CEP63: variants seen among roughly 807,000 people sequenced by gnomAD.
CEP63 encodes centrosomal protein 63.
CEP63 carries 84 observed loss-of-function variants against 89.1 expected under a neutral mutation model. The observed-to-expected ratio is 0.94, with a 90% confidence interval of 0.79 to 1.13. CEP63 has a LOEUF of 1.13. CEP63 is among the 50% of genes most tolerant of loss of function. The pLI, the probability that CEP63 is intolerant of heterozygous loss-of-function variation, is 0.00. For synonymous variants in CEP63, 267 were observed against 272.5 expected (o/e 0.98, Z 0.20); for missense variants, 838 against 813.3 (o/e 1.03, Z -0.37).
chr3:134,749,186 G>A, the CEP63 span, among the ~76,000 whole-genome samples: 3 of 152,198 alleles, frequency 2.0e-5, no homozygotes, highest in Non-Finnish European at 4.4e-5. Flanking sequence ...GAACCAGTTG[G>A]AGAACTTATG....
rs869231096 is a variant in CEP63 at position 134,535,500 on chromosome 3, C to CTTTTTTTTTTTTTTTTTTTT, written c.442-1644_442-1643insTTTTTTTTTTTTTTTTTTTT. ...GTCATGTCATTGGACCTTTCCTTTC[C>CTTTTTTTTTTTTTTTTTTTT]TTTTTTTTTTTCCTATCTACGCTCA... On this transcript the variant is annotated intron_variant, in intron 5 of 14. Transcript: ENST00000675561. 2.1e-5 allele frequency: 3 copies of CTTTTTTTTTTTTTTTTTTTT among 143,288 alleles called. 1 individual carries two copies. Among genetic ancestry groups the CTTTTTTTTTTTTTTTTTTTT allele is most frequent in the Non-Finnish European group, 1.5e-5 (1 of 66,762 alleles). The allele number at this position is 143,288 out of a possible 1,614,324, so 8.9% of individuals were successfully genotyped here. A position where few individuals can be genotyped will look rare whatever the true frequency, so the allele number is the denominator to read the frequency against.
chr3:134,634,478 ACAATT>A, the CEP63 span, among the ~76,000 whole-genome samples: 1 of 152,244 alleles, frequency 6.6e-6, no homozygotes, highest in Admixed American at 6.5e-5. Flanking sequence ...AAGTGCAAAG[ACAATT>A]CAGTTGGAAA....
intron 12 of CEP63, among the ~76,000 whole-genome samples, chr3:134,555,691 A>C (rs1386255726): frequency 6.6e-6 from 1 of 152,124 alleles, no homozygotes; most frequent in African/African-American, 2.4e-5. Context: ...GAAAATGGCT[A>C]TACTGCCCAA....
At chr3:134,574,339 A>C (rs998775624) in intron 11 of CEP63, among the ~76,000 whole-genome samples, 2 of 152,110 alleles carry the variant, frequency 1.3e-5, no homozygotes, top group Non-Finnish European at 2.9e-5. Flanking sequence ...AAGCAATCCA[A>C]CAGTTTCTGA....
chr3:134,643,171 G>A, the CEP63 span: 1 of 666,808 alleles, frequency 1.5e-6, no homozygotes. Flanking sequence ...GCAGGGAGAG[G>A]AAAAGGGTTT....
At chr3:134,495,784 G>A (rs1162357970) in intron 2 of CEP63, among the ~76,000 whole-genome samples, 1 of 152,100 alleles carries the variant, frequency 6.6e-6, no homozygotes, top group Non-Finnish European at 1.5e-5. Flanking sequence ...CTACCTCCAT[G>A]AGGTGAACTT....
At chr3:134,637,508 C>T in the CEP63 span, among the ~76,000 whole-genome samples, 1 of 152,166 alleles carries the variant, frequency 6.6e-6, no homozygotes, top group Non-Finnish European at 1.5e-5. Context: ...CTATTTGACC[C>T]AGTACTATTT....
chr3:134,533,917 TAGAATC>T (rs1432023971), intron 5 of CEP63, among the ~76,000 whole-genome samples: 1 of 152,186 alleles, frequency 6.6e-6, no homozygotes, highest in Non-Finnish European at 1.5e-5. Flanking sequence ...TTGAAGAGCT[TAGAATC>T]AGAAGACTGC....
At chr3:134,637,187 G>A in the CEP63 span, among the ~76,000 whole-genome samples, 1 of 152,210 alleles carries the variant, frequency 6.6e-6, no homozygotes, top group African/African-American at 2.4e-5. Context: ...TCAGCCTTGT[G>A]AGTTTGTAAT....
At chr3:134,673,839 G>A in the CEP63 span, among the ~76,000 whole-genome samples, 1 of 152,134 alleles carries the variant, frequency 6.6e-6, no homozygotes, top group African/African-American at 2.4e-5. Flanking sequence ...TGGGCTCATT[G>A]GCCACATTCT....
downstream of CEP63, among the ~76,000 whole-genome samples, chr3:134,575,659 T>A (rs10804632): frequency 0.64 from 96,923 of 150,732 alleles, 31,723 homozygotes; most frequent in East Asian, 0.81. Context: ...TGGCCCAGGT[T>A]GGAGTGCATT....
exon 12 of CEP63, chr3:134,574,957 C>A: frequency 2.2e-6 from 1 of 456,626 alleles, no homozygotes. Context: ...CAATTAGAGT[C>A]TTTATATACA....
chr3:134,743,114 A>G, the CEP63 span, among the ~76,000 whole-genome samples: 2 of 152,306 alleles, frequency 1.3e-5, no homozygotes, highest in Middle Eastern at 3.4e-3. Context: ...CATATGGGGC[A>G]TGCATGGATA....
the CEP63 span, among the ~76,000 whole-genome samples, chr3:134,709,385 A>G: frequency 6.6e-6 from 1 of 151,850 alleles, no homozygotes; most frequent in East Asian, 1.9e-4. Context: ...GTCCTAGAAA[A>G]TAAAGAATAG....
chr3:134,650,539 T>G, the CEP63 span, among the ~76,000 whole-genome samples: 70 of 152,216 alleles, frequency 4.6e-4, 1 homozygote, highest in Admixed American at 2.8e-3. Flanking sequence ...CTACACCCGT[T>G]AGGGAGTGGC....
At chr3:134,489,490 A>G (rs1936905757) in intron 1 of CEP63, among the ~76,000 whole-genome samples, 1 of 152,208 alleles carries the variant, frequency 6.6e-6, no homozygotes. Flanking sequence ...ATTAAACATT[A>G]TATTGGGTTT....
chr3:134,539,527 A>C (rs1306658722), intron 6 of CEP63, among the ~76,000 whole-genome samples: 1 of 152,166 alleles, frequency 6.6e-6, no homozygotes, highest in Non-Finnish European at 1.5e-5. Context: ...CAGTCTGTTC[A>C]CATTTCTCCA....
At chr3:134,780,059 G>T in the CEP63 span, among the ~76,000 whole-genome samples, 6 of 152,102 alleles carry the variant, frequency 3.9e-5, no homozygotes, top group Non-Finnish European at 8.8e-5. Flanking sequence ...AGCTCTTGTT[G>T]CTCTGTATTC....
the CEP63 span, among the ~76,000 whole-genome samples, chr3:134,763,417 C>G: frequency 9.9e-5 from 15 of 152,150 alleles, no homozygotes; most frequent in African/African-American, 3.6e-4. Flanking sequence ...ATCTGCTTTT[C>G]TCTTATGAAA....
Sources: allele counts gnomAD v4.1 joint callset (sites outside exome capture counted in the v4.1 genomes callset), GRCh38; gene constraint gnomAD v4.1.1; transcripts MANE v1.5; gene names NCBI Gene and HGNC (gene_info 2026-07-23, HGNC 2026-07-21).